The following PTPRT variants were observed in gnomAD, a reference collection of about 807,000 sequenced individuals.
PTPRT encodes receptor-type tyrosine-protein phosphatase T.
Under a neutral mutation model 176.8 loss-of-function variants are expected in PTPRT, and 56 were observed. The ratio of observed to expected loss-of-function variants is 0.32; its 90% CI spans 0.26 to 0.40. The LOEUF is 0.40. PTPRT is among the 10% of genes least tolerant of loss of function. PTPRT has a pLI of 1.00. For synonymous variants in PTPRT, 783 were observed against 739.0 expected (o/e 1.06, Z -0.96); for missense variants, 1,540 against 1,908.2 (o/e 0.81, Z 3.60).
At chr20:42,732,601 CCA>C (rs1409918159) in intron 6 of PTPRT, among the ~76,000 whole-genome samples, 1 of 152,116 alleles carries the variant, frequency 6.6e-6, no homozygotes. Flanking sequence ...ACAAAGAAAA[CCA>C]CAGAGGTAAA....
chr20:43,139,567 T>C (rs1447065714), intron 1 of PTPRT, among the ~76,000 whole-genome samples: 3 of 152,222 alleles, frequency 2.0e-5, no homozygotes, highest in Non-Finnish European at 4.4e-5. Flanking sequence ...AAATTCTAAT[T>C]TTCTAATGGC....
intron 21 of PTPRT, 87 bp downstream of exon 21, chr20:42,118,316 G>A (rs1987400307): frequency 3.4e-6 from 4 of 1,183,300 alleles, no homozygotes; most frequent in South Asian, 1.5e-5. Flanking sequence ...CTGACTAGGA[G>A]GCACTTAGCA....
intron 1 of PTPRT, among the ~76,000 whole-genome samples, chr20:43,156,822 A>T (rs929349994): frequency 3.3e-5 from 5 of 152,228 alleles, no homozygotes; most frequent in Non-Finnish European, 5.9e-5. Flanking sequence ...GACACCAGCC[A>T]CAAGGGCTTC....
chr20:42,436,965 C>G (rs73123354), intron 9 of PTPRT, among the ~76,000 whole-genome samples: 16,676 of 151,998 alleles, frequency 0.11, 938 homozygotes, highest in Middle Eastern at 0.14. Context: ...AGTTAAAACA[C>G]TAAAAAACAA....
At chr20:42,531,870 A>G (rs556161737) in intron 7 of PTPRT, among the ~76,000 whole-genome samples, 1 of 152,282 alleles carries the variant, frequency 6.6e-6, no homozygotes, top group East Asian at 1.9e-4. Context: ...CAAGGGAAAC[A>G]TATACAGAAA....
intron 1 of PTPRT, among the ~76,000 whole-genome samples, chr20:43,151,066 G>A (rs2014334021): frequency 6.6e-6 from 1 of 151,988 alleles, no homozygotes; most frequent in Non-Finnish European, 1.5e-5. Context: ...CAGCACTTTG[G>A]GAGGCCTAGG....
At chr20:42,774,774 AC>A in intron 4 of PTPRT, among the ~76,000 whole-genome samples, 1 of 152,202 alleles carries the variant, frequency 6.6e-6, no homozygotes, top group Admixed American at 6.5e-5. Context: ...GATCTAGGCT[AC>A]CCTCTTCTTG....
At chr20:43,053,066 AAG>A (rs1555823946) in intron 1 of PTPRT, among the ~76,000 whole-genome samples, 1 of 151,456 alleles carries the variant, frequency 6.6e-6, no homozygotes, top group Non-Finnish European at 1.5e-5. Flanking sequence ...TAAAAAAAAA[AAG>A]GAGTGAAGTA....
Position 43,010,555 on chromosome 20 carries a change from T to C in PTPRT, c.89-124623A>G, listed in dbSNP as rs148312826. 9.2e-3 allele frequency among the ~76,000 whole-genome samples: 1,396 copies of C among 152,262 alleles called. 13 individuals are homozygous for C. The highest frequency in any genetic ancestry group is 0.013 in the Non-Finnish European group (915 of 68,022). ...TTTGGAAGTAGGGTTGGATGAGATATTGAGGTAAAGCATTTAGCATGCAGT... is the reference window on the plus strand; with the variant it reads ...TTTGGAAGTAGGGTTGGATGAGATACTGAGGTAAAGCATTTAGCATGCAGT... On this transcript the variant is annotated intron_variant, in intron 1 of 30. Transcript: ENST00000373187.
At chr20:42,921,916 A>G (rs1461954363) in intron 1 of PTPRT, among the ~76,000 whole-genome samples, 2 of 152,072 alleles carry the variant, frequency 1.3e-5, no homozygotes, top group African/African-American at 4.8e-5. Context: ...CAGATTCCAC[A>G]CAGCGTTCTC....
At chr20:42,609,720 C>T (rs6016846) in intron 7 of PTPRT, among the ~76,000 whole-genome samples, 19,754 of 152,192 alleles carry the variant, frequency 0.13, 1,380 homozygotes, top group African/African-American at 0.14. Flanking sequence ...AGGAACAGGG[C>T]GGCCCAGGGA....
At chr20:42,334,218 G>T (rs2058008079) in intron 11 of PTPRT, among the ~76,000 whole-genome samples, 1 of 152,080 alleles carries the variant, frequency 6.6e-6, no homozygotes, top group South Asian at 2.1e-4. Flanking sequence ...TCGTTGTAGG[G>T]GGCTGGCTGT....
chr20:42,718,579 T>A (rs1306288215), intron 6 of PTPRT, among the ~76,000 whole-genome samples: 1 of 152,110 alleles, frequency 6.6e-6, no homozygotes, highest in Non-Finnish European at 1.5e-5. Flanking sequence ...GAATACAACA[T>A]GGATGAGACT....
In PTPRT at chr20:43,147,395, C is replaced by A. The variant is rs974215450; in HGVS notation, c.88+42251G>T. Among the ~76,000 whole-genome samples the A allele has an allele frequency of 4.2e-4, 64 of 152,282 alleles. 1 individual carries two copies. Among genetic ancestry groups the A allele is most frequent in the Non-Finnish European group, 1.9e-4 (13 of 68,030 alleles). On this transcript the variant is annotated intron_variant, in intron 1 of 30. Transcript: ENST00000373187. ...TAGAAACTCAATAAACGCCAACCAT[C>A]ATCATCATCATCCTACACATCGCTT...
At chr20:42,872,854 C>T (rs1312375546) in intron 2 of PTPRT, among the ~76,000 whole-genome samples, 1 of 152,122 alleles carries the variant, frequency 6.6e-6, no homozygotes, top group Non-Finnish European at 1.5e-5. Flanking sequence ...AAAGGCAGCT[C>T]AAAGTCTGAG....
chr20:42,121,431 A>G (rs1395931763), intron 19 of PTPRT, among the ~76,000 whole-genome samples: 1 of 152,164 alleles, frequency 6.6e-6, no homozygotes, highest in Non-Finnish European at 1.5e-5. Context: ...CACAGAGCTC[A>G]GCACAATGTG....
Position 43,056,586 on chromosome 20 carries a change from G to T in PTPRT, c.88+133060C>A, listed in dbSNP as rs577247739. 2.6e-5 allele frequency among the ~76,000 whole-genome samples: 4 copies of T among 152,296 alleles called. No individual in the cohort carries two copies. In the South Asian group the frequency reaches 8.3e-4, roughly 32 times the overall value. ...AGCAAGATATAAAATTTTATTGCGT[G>T]AATCTATTAAAATTTTTCTGGGGGG... On this transcript the variant is annotated intron_variant, in intron 1 of 30. Transcript: ENST00000373187.
intron 1 of PTPRT, among the ~76,000 whole-genome samples, chr20:43,067,400 G>A (rs372479194): frequency 2.0e-5 from 3 of 152,032 alleles, no homozygotes; most frequent in Non-Finnish European, 2.9e-5. Context: ...GTATCAAGGT[G>A]GTACTTATAG....
intron 7 of PTPRT, among the ~76,000 whole-genome samples, chr20:42,518,787 T>A (rs1055217511): frequency 2.6e-5 from 4 of 152,158 alleles, no homozygotes; most frequent in African/African-American, 9.7e-5. Flanking sequence ...TTTTCTGGTT[T>A]ATTAGCTTGA....
Sources: gnomAD v4.1 joint callset for allele counts (sites outside exome capture counted in the v4.1 genomes callset) on GRCh38, gnomAD v4.1.1 for gene constraint, MANE v1.5 for transcripts, NCBI Gene and HGNC (gene_info 2026-07-23, HGNC 2026-07-21) for gene names.